STK33: variants seen among roughly 807,000 people sequenced by gnomAD.
STK33 encodes serine/threonine-protein kinase 33.
A neutral mutation model predicts 58.0 loss-of-function variants in STK33; 52 were observed. The ratio of observed to expected loss-of-function variants is 0.90; its 90% confidence interval spans 0.72 to 1.13. The LOEUF is 1.13. STK33 is among the 50% of genes most tolerant of loss of function. STK33 has a pLI of 0.00. For missense variants in STK33, 630 were observed against 604.2 expected (o/e 1.04, Z -0.45); for synonymous variants, 215 against 200.1 (o/e 1.07, Z -0.63).
At chr11:8,447,891 C>T (rs573619080) in intron 11 of STK33, among the ~76,000 whole-genome samples, 51 of 152,204 alleles carry the variant, frequency 3.4e-4, no homozygotes, top group South Asian at 1.5e-3. Context: ...GAAAACCCCA[C>T]TGTCTCAGCC....
At chr11:8,582,645 T>C (rs1353851080) in intron 1 of STK33, among the ~76,000 whole-genome samples, 3 of 152,196 alleles carry the variant, frequency 2.0e-5, no homozygotes, top group Non-Finnish European at 2.9e-5. Context: ...ATGGGGATTA[T>C]GGGAATTACA....
chr11:8,552,527 A>C (rs1341888678), intron 1 of STK33, among the ~76,000 whole-genome samples: 3 of 152,110 alleles, frequency 2.0e-5, no homozygotes, highest in African/African-American at 7.2e-5. Flanking sequence ...AAAATATTTT[A>C]TCTCTTTATA....
rs1047280890 is a variant in STK33, at chr11:8,473,181, C to T, written c.321G>A (p.Glu107=). 22 of 1,612,396 alleles carry T rather than the reference C, an allele frequency of 1.4e-5. No homozygotes were observed. The highest frequency in any genetic ancestry group is 1.9e-5 in the Non-Finnish European group (22 of 1,179,198). Reference sequence around the variant, plus strand: ...TATATACCTCAATAGCAGCTCCATTCTCAATCCTTATGTGAGGAACTTTTC... The same window carrying T: ...TATATACCTCAATAGCAGCTCCATTTTCAATCCTTATGTGAGGAACTTTTC... ...TEGKVPHIRI[E]NGAAIEEIYT... Residue 107 remains glutamate (E), a synonymous_variant, in exon 6 of 16, where the codon GAG becomes GAA. Coordinates refer to ENST00000687296, the MANE Select transcript of STK33 (RefSeq NM_001352389.2).
intron 1 of STK33, among the ~76,000 whole-genome samples, chr11:8,551,990 G>A (rs1196022699): frequency 6.6e-6 from 1 of 152,198 alleles, no homozygotes. Flanking sequence ...ACCAGTCACT[G>A]TGCTCAGTGC....
intron 1 of STK33, among the ~76,000 whole-genome samples, chr11:8,491,018 A>C (rs1950569394): frequency 6.6e-6 from 1 of 152,194 alleles, no homozygotes; most frequent in African/African-American, 2.4e-5. Context: ...AATTCTAAAA[A>C]CCAGAGCACC....
intron 14 of STK33, among the ~76,000 whole-genome samples, chr11:8,416,457 C>CAG (rs1941140704): frequency 6.6e-6 from 1 of 152,116 alleles, no homozygotes; most frequent in African/African-American, 2.4e-5. Flanking sequence ...TTATAACCAA[C>CAG]AGAGAGTTAT....
chr11:8,458,160 T>C (rs1335323288), intron 8 of STK33, among the ~76,000 whole-genome samples: 1 of 152,160 alleles, frequency 6.6e-6, no homozygotes, highest in Non-Finnish European at 1.5e-5. Context: ...CTAGCAGTAA[T>C]GTAGAACAGG....
intron 8 of STK33, among the ~76,000 whole-genome samples, chr11:8,459,797 T>C (rs1419655862): frequency 6.6e-6 from 1 of 152,050 alleles, no homozygotes; most frequent in Non-Finnish European, 1.5e-5. Flanking sequence ...GAGAGAAATC[T>C]CCAGAGATTT....
intron 14 of STK33, among the ~76,000 whole-genome samples, chr11:8,430,976 C>A (rs1943356040): frequency 6.6e-6 from 1 of 151,136 alleles, no homozygotes; most frequent in Admixed American, 6.6e-5. Flanking sequence ...AAGCAATTCT[C>A]CTGCCTCAGC....
rs1813985689 is a variant in STK33 at position 8,575,644 on chromosome 11, T to C, written c.-466+18439A>G. Among the ~76,000 whole-genome samples, 3 of 152,144 alleles carry C rather than the reference T, an allele frequency of 2.0e-5. No individual in the cohort carries two copies. The South Asian group carries it at 6.2e-4, about 32-fold the overall frequency. On this transcript the variant is annotated intron_variant, in intron 1 of 15. Transcript: ENST00000687296. ...TGCTATAGAGTTTCTGTTTGGGGTG[T>C]TGAAAATTTTTGGAAGTAGTGGATA...
At chr11:8,576,299 G>C (rs555191836) in intron 1 of STK33, among the ~76,000 whole-genome samples, 1 of 152,178 alleles carries the variant, frequency 6.6e-6, no homozygotes, top group Non-Finnish European at 1.5e-5. Context: ...GTTCCAAGGT[G>C]ACCTCCCTCA....
the STK33 span, among the ~76,000 whole-genome samples, chr11:8,357,283 C>A: frequency 6.6e-6 from 1 of 152,240 alleles, no homozygotes; most frequent in Non-Finnish European, 1.5e-5. Context: ...CTGGGTCCGG[C>A]CCCCGCAATG....
At chr11:8,577,680 C>T (rs1306579758) in intron 1 of STK33, among the ~76,000 whole-genome samples, 1 of 151,988 alleles carries the variant, frequency 6.6e-6, no homozygotes, top group African/African-American at 2.4e-5. Flanking sequence ...TTCATATTCA[C>T]CTTATATTCT....
chr11:8,402,536 A>T (rs1364948929), intron 15 of STK33, among the ~76,000 whole-genome samples: 3 of 152,224 alleles, frequency 2.0e-5, no homozygotes, highest in Non-Finnish European at 2.9e-5. Context: ...TAATGGGTGC[A>T]GCACACCAAC....
chr11:8,363,957 A>G, the STK33 span, among the ~76,000 whole-genome samples: 1 of 152,242 alleles, frequency 6.6e-6, no homozygotes, highest in Admixed American at 6.5e-5. Flanking sequence ...CTTACAATAC[A>G]GGCAAGCATC....
the STK33 span, among the ~76,000 whole-genome samples, chr11:8,356,663 G>A: frequency 6.6e-6 from 1 of 152,182 alleles, no homozygotes; most frequent in African/African-American, 2.4e-5. Flanking sequence ...TGGAGAGCCT[G>A]TAAACTTTCC....
At chr11:8,531,459 C>A (rs575476900) in intron 1 of STK33, among the ~76,000 whole-genome samples, 5 of 152,286 alleles carry the variant, frequency 3.3e-5, no homozygotes, top group African/African-American at 1.2e-4. Context: ...CATGTGATTA[C>A]GTTGAGATGA....
At chr11:8,528,859 T>A (rs528034192) in intron 1 of STK33, among the ~76,000 whole-genome samples, 4 of 152,390 alleles carry the variant, frequency 2.6e-5, no homozygotes, top group African/African-American at 9.6e-5. Flanking sequence ...GAGCCTATTT[T>A]AGTTTATTTA....
intron 14 of STK33, among the ~76,000 whole-genome samples, chr11:8,416,244 G>A (rs532081270): frequency 5.3e-5 from 8 of 152,236 alleles, no homozygotes; most frequent in African/African-American, 1.9e-4. Context: ...CACTACCACC[G>A]TTCAACAGAG....
Sources: gnomAD v4.1 joint callset for allele counts (sites outside exome capture counted in the v4.1 genomes callset) on GRCh38, gnomAD v4.1.1 for gene constraint, MANE v1.5 for transcripts, NCBI Gene and HGNC (gene_info 2026-07-23, HGNC 2026-07-21) for gene names.